ANKS1B: variants seen among roughly 807,000 people sequenced by gnomAD.
ANKS1B encodes ankyrin repeat and sterile alpha motif domain containing 1B, also known as ankyrin repeat and sterile alpha motif domain-containing protein 1B.
Under a neutral mutation model 148.3 loss-of-function variants are expected in ANKS1B, and 36 were observed. The observed-to-expected ratio is 0.24, with a 90% CI of 0.19 to 0.32. The LOEUF (loss-of-function observed/expected upper bound fraction) is 0.32, where lower values mean the gene tolerates loss of function less well. ANKS1B is among the 10% of genes least tolerant of loss of function. The pLI is 1.00. For missense variants in ANKS1B, 1,157 were observed against 1,542.6 expected, an observed-to-expected ratio of 0.75 and a Z score of 4.19; for synonymous variants, 542 against 560.8, an observed-to-expected ratio of 0.97 and a Z score of 0.47.
chr12:99,122,947 G>A (rs1039739437), intron 15 of ANKS1B, among the ~76,000 whole-genome samples: 1 of 147,882 alleles, frequency 6.8e-6, no homozygotes, highest in Non-Finnish European at 1.5e-5. Flanking sequence ...TCTGCCATGT[G>A]CCAGGTTCTG....
chr12:99,677,756 G>A (rs1362397174), intron 8 of ANKS1B, among the ~76,000 whole-genome samples: 2 of 151,866 alleles, frequency 1.3e-5, no homozygotes, highest in Non-Finnish European at 2.9e-5. Flanking sequence ...GGCAGATCAC[G>A]AGGTCAGGAG....
At chr12:99,408,649 AG>A (rs1354654487) in intron 11 of ANKS1B, among the ~76,000 whole-genome samples, 1 of 146,216 alleles carries the variant, frequency 6.8e-6, no homozygotes, top group Non-Finnish European at 1.5e-5. Flanking sequence ...AAAACTGAAA[AG>A]GAAAAAAAAT....
chr12:99,507,807 G>A (rs1355921413), intron 9 of ANKS1B, among the ~76,000 whole-genome samples: 2 of 151,768 alleles, frequency 1.3e-5, no homozygotes, highest in African/African-American at 2.4e-5. Context: ...GTCAAAAGAG[G>A]ATATGCAAGA....
chr12:99,869,235 T>TA (rs1603408402), intron 1 of ANKS1B, among the ~76,000 whole-genome samples: 1 of 151,936 alleles, frequency 6.6e-6, no homozygotes, highest in Non-Finnish European at 1.5e-5. Context: ...AAAATTAATA[T>TA]AAAAAAATCA....
rs775163436 is a variant in ANKS1B at position 99,246,860 on chromosome 12, G to A, written c.1761C>T (p.Asp587=). ...GATCATTGTCATCCTGTCGGGAGAG[G>A]TCATCTGCAAAAGGAAGGAAGGGAT... The part of the protein sequence containing the change: ...VKNEGTNHTD[D]LSRQDDNDPP... The change falls in exon 13 of 27, where the codon GAC becomes GAT. Residue 587 remains aspartate, a synonymous_variant. Coordinates refer to ENST00000683438, the MANE Select transcript of ANKS1B (RefSeq NM_001352186.2). 3 of 1,575,274 alleles carry A rather than the reference G, an allele frequency of 1.9e-6. No homozygotes were observed. The South Asian group carries it at 3.5e-5, about 19-fold the overall frequency.
intron 9 of ANKS1B, 139 bp downstream of exon 9, chr12:99,654,928 C>G: frequency 1.1e-6 from 1 of 944,962 alleles, no homozygotes; most frequent in Non-Finnish European, 1.5e-6. Flanking sequence ...TTACTTGACA[C>G]TTTGAGAAAA....
intron 8 of ANKS1B, among the ~76,000 whole-genome samples, chr12:99,685,124 G>C (rs1267017505): frequency 6.6e-6 from 1 of 151,876 alleles, no homozygotes; most frequent in Non-Finnish European, 1.5e-5. Context: ...ATAATCAGCA[G>C]AGTAAACAGA....
chr12:99,780,002 T>C (rs780977251), intron 5 of ANKS1B, 30 bp from the exon 6 acceptor site: 29 of 1,440,048 alleles, frequency 2.0e-5, no homozygotes, highest in Admixed American at 8.5e-5. Context: ...TCACTAGATA[T>C]ACACCACTGA....
At chr12:99,336,763 G>A (rs1413795285) in intron 12 of ANKS1B, among the ~76,000 whole-genome samples, 1 of 150,036 alleles carries the variant, frequency 6.7e-6, no homozygotes, top group African/African-American at 2.4e-5. Context: ...ACATGAAGGA[G>A]AACTTGGATA....
chr12:99,179,553 C>T (rs1048019985), intron 14 of ANKS1B, among the ~76,000 whole-genome samples: 2 of 151,840 alleles, frequency 1.3e-5, no homozygotes, highest in African/African-American at 2.4e-5. Flanking sequence ...TCTTTCCTGC[C>T]ATCCTTCTTG....
chr12:98,885,617 C>G (rs1003558845), intron 17 of ANKS1B, among the ~76,000 whole-genome samples: 1 of 152,144 alleles, frequency 6.6e-6, no homozygotes, highest in African/African-American at 2.4e-5. Context: ...CTTATGGAAC[C>G]CTTTAGTTAA....
chr12:98,882,945 G>A (rs1238952018), intron 17 of ANKS1B, among the ~76,000 whole-genome samples: 1 of 152,084 alleles, frequency 6.6e-6, no homozygotes, highest in Non-Finnish European at 1.5e-5. Flanking sequence ...ATTTCAGCTT[G>A]TCACAAACAA....
rs565003142 is a variant in ANKS1B at position 99,917,379 on chromosome 12, T to G, written c.134+66725A>C. ...TTGCACAGTGGACATGGAAACTGAC[T>G]AGCCATAATGTCAGGGATGGAGGCT... On this transcript the variant is annotated intron_variant, in intron 1 of 26. Coordinates refer to ENST00000683438, the MANE Select transcript of ANKS1B (RefSeq NM_001352186.2). Among the ~76,000 whole-genome samples, 4 of 152,316 alleles carry G rather than the reference T, an allele frequency of 2.6e-5. No homozygotes were observed. In the South Asian group the frequency reaches 8.3e-4, roughly 32 times the overall value.
At chr12:99,269,635 T>C (rs1276193366) in intron 12 of ANKS1B, among the ~76,000 whole-genome samples, 1 of 152,204 alleles carries the variant, frequency 6.6e-6, no homozygotes, top group Non-Finnish European at 1.5e-5. Flanking sequence ...CTCGGCTCAC[T>C]GCAAGCTCCG....
chr12:98,751,590 G>A lies in ANKS1B; in HGVS notation c.3580-68C>T. ...AATTAGAATGGGTCGAATGGCTGAG[G>A]AACACTGAGGGAGGTGAACTAGGGA... On this transcript the variant is annotated intron_variant, in intron 25 of 26. Transcript: ENST00000683438. The surrounding 1 kb of genome is among the most constrained non-coding windows in gnomAD (Gnocchi z 4.3). 2 of 1,473,620 alleles carry A rather than the reference G, an allele frequency of 1.4e-6. No homozygotes were observed. Among genetic ancestry groups the A allele is most frequent in the Non-Finnish European group, 1.9e-6 (2 of 1,065,274 alleles). 91.3% of individuals were successfully genotyped at this position (1,473,620 alleles called of 1,614,324 possible). A position where few individuals can be genotyped will look rare whatever the true frequency, so the allele number is the denominator to read the frequency against.
chr12:98,837,621 C>A (rs949736878), intron 17 of ANKS1B, among the ~76,000 whole-genome samples: 7 of 152,278 alleles, frequency 4.6e-5, no homozygotes, highest in African/African-American at 1.7e-4. Flanking sequence ...CACGTCACTG[C>A]TGTTTATGTT....
At chr12:99,696,890 C>A (rs1477155422) in intron 8 of ANKS1B, among the ~76,000 whole-genome samples, 1 of 152,156 alleles carries the variant, frequency 6.6e-6, no homozygotes, top group African/African-American at 2.4e-5. Flanking sequence ...CATAAGAAAA[C>A]AAATAACCCA....
At chr12:98,786,077 T>TA (rs1270619594) in intron 22 of ANKS1B, among the ~76,000 whole-genome samples, 1 of 152,170 alleles carries the variant, frequency 6.6e-6, no homozygotes. Context: ...AGCAGATAAA[T>TA]ACTCCTGGGT....
intron 14 of ANKS1B, among the ~76,000 whole-genome samples, chr12:99,168,263 T>A (rs1006068683): frequency 2.6e-5 from 4 of 152,190 alleles, no homozygotes; most frequent in Non-Finnish European, 5.9e-5. Flanking sequence ...ACGCCTATAA[T>A]CCCAGCACTT....
Sources: allele counts gnomAD v4.1 joint callset (sites outside exome capture counted in the v4.1 genomes callset), GRCh38; gene constraint gnomAD v4.1.1; non-coding constraint Gnocchi (gnomAD v3.1); transcripts MANE v1.5; gene names NCBI Gene and HGNC (gene_info 2026-07-23, HGNC 2026-07-21).